RBFOX2: variants seen among roughly 807,000 people sequenced by gnomAD.
The protein encoded by RBFOX2 is RNA binding protein fox-1 homolog 2.
A neutral mutation model predicts 49.1 loss-of-function variants in RBFOX2; 10 were observed. The ratio of observed to expected loss-of-function variants is 0.20; its 90% CI spans 0.13 to 0.35. The LOEUF (loss-of-function observed/expected upper bound fraction) is 0.35, where lower values mean the gene tolerates loss of function less well. RBFOX2 is among the 10% of genes least tolerant of loss of function. The pLI is 1.00. For missense variants in RBFOX2, 323 were observed against 486.9 expected, an observed-to-expected ratio of 0.66 and a Z score of 3.17; for synonymous variants, 183 against 187.4, an observed-to-expected ratio of 0.98 and a Z score of 0.19.
intron 5 of RBFOX2, among the ~76,000 whole-genome samples, chr22:35,767,096 C>T (rs1276324946): frequency 1.3e-5 from 2 of 152,066 alleles, no homozygotes; most frequent in Non-Finnish European, 2.9e-5. Flanking sequence ...TTCAGTAACT[C>T]TGAGTAAGAT....
At chr22:35,966,584 C>T (rs2056570169), upstream of RBFOX2, among the ~76,000 whole-genome samples, 2 of 152,106 alleles carry the variant, frequency 1.3e-5, no homozygotes, top group Non-Finnish European at 2.9e-5. Context: ...TGATGATTAA[C>T]GATCCTGACC....
rs375550356 is a variant in RBFOX2 at position 35,900,288 on chromosome 22, T to G, written c.-34+38559A>C. Among the ~76,000 whole-genome samples, 19 of 152,146 alleles carry G rather than the reference T, an allele frequency of 1.2e-4. 1 individual carries two copies. In the East Asian group the frequency reaches 2.7e-3, roughly 22 times the overall value. ...GCCACCACACCCAGCTATTTTTGTA[T>G]TTTTAGTAGAGACAAGGTTTCACCA... is the stretch of plus-strand genomic sequence containing the variant. On this transcript the variant is annotated intron_variant, in intron 1 of 13. Coordinates refer to the RBFOX2 transcript ENST00000359369.
chr22:35,761,401 T>C lies in RBFOX2; in HGVS notation c.661+14A>G. 6.2e-7 allele frequency: 1 copy of C among 1,613,934 alleles called. No individual in the cohort carries two copies. Among genetic ancestry groups the C allele is most frequent in the Non-Finnish European group, 8.5e-7 (1 of 1,179,784 alleles). On this transcript the variant is annotated intron_variant, in intron 7 of 11. Transcript: ENST00000405409. ...ATTAAATAGCACAAGTGGAAACATT[T>C]ACTTAAATACTACCTGCATATAACT...
At chr22:35,847,234 ACT>A (rs2041334531) in intron 1 of RBFOX2, among the ~76,000 whole-genome samples, 1 of 152,200 alleles carries the variant, frequency 6.6e-6, no homozygotes, top group Admixed American at 6.5e-5. Flanking sequence ...TCAATGGCAC[ACT>A]CTTAAAATAG....
Position 36,015,460 on chromosome 22 carries a change from G to A in RBFOX2, c.186+12780C>T, listed in dbSNP as rs144126198. 2.8e-4 allele frequency among the ~76,000 whole-genome samples: 43 copies of A among 152,330 alleles called. 1 individual carries two copies. The highest frequency in any genetic ancestry group is 4.8e-5 in the African/African-American group (2 of 41,578). ...TTCCAACAAAGTCTTCAAACCCACT[G>A]TGCCAGCCACTAACAGTAACCATGT... is the stretch of plus-strand genomic sequence containing the variant. On this transcript the variant is annotated intron_variant, in intron 1 of 13. Coordinates refer to the RBFOX2 transcript ENST00000438146.
intron 1 of RBFOX2, among the ~76,000 whole-genome samples, chr22:35,814,433 GCATGGTGGC>G (rs1251590819): frequency 6.6e-6 from 1 of 152,050 alleles, no homozygotes; most frequent in Non-Finnish European, 1.5e-5. Context: ...ACAAGGCCCT[GCATGGTGGC>G]TCATGCCTGT....
chr22:35,768,678 C>T (rs1030718973), intron 4 of RBFOX2, among the ~76,000 whole-genome samples: 2 of 152,088 alleles, frequency 1.3e-5, no homozygotes, highest in Non-Finnish European at 2.9e-5. Context: ...TTTTTTAATG[C>T]CCTACCTTTC....
intron 1 of RBFOX2, among the ~76,000 whole-genome samples, chr22:36,002,404 A>G (rs1399988733): frequency 6.6e-6 from 1 of 152,216 alleles, no homozygotes; most frequent in Non-Finnish European, 1.5e-5. Flanking sequence ...AAACAAAAAA[A>G]CTTACCGTGG....
At chr22:35,999,977 TAA>T (rs927945651) in intron 1 of RBFOX2, 2 of 141,232 alleles carry the variant, frequency 1.4e-5, no homozygotes, top group African/African-American at 5.1e-5. Context: ...TCAAGAAATA[TAA>T]AAGTTATATA....
intron 1 of RBFOX2, among the ~76,000 whole-genome samples, chr22:35,923,213 C>T (rs1188898082): frequency 6.6e-6 from 1 of 152,228 alleles, no homozygotes; most frequent in Non-Finnish European, 1.5e-5. Context: ...TCAGTCCAAA[C>T]TGGAATTTGA....
chr22:35,973,676 GCCAAT>G (rs2056999009), intron 1 of RBFOX2, among the ~76,000 whole-genome samples: 1 of 152,228 alleles, frequency 6.6e-6, no homozygotes, highest in Non-Finnish European at 1.5e-5. Flanking sequence ...CTTATCTGGA[GCCAAT>G]GTGATCAATG....
At chr22:35,953,584 A>G (rs1569509911) in intron 1 of RBFOX2, among the ~76,000 whole-genome samples, 1 of 152,222 alleles carries the variant, frequency 6.6e-6, no homozygotes, top group East Asian at 1.9e-4. Flanking sequence ...ACATGGAGAT[A>G]GTGGTTGTAC....
At chr22:35,859,198 G>A (rs1044130250) in intron 1 of RBFOX2, among the ~76,000 whole-genome samples, 3 of 152,054 alleles carry the variant, frequency 2.0e-5, no homozygotes, top group African/African-American at 7.2e-5. Flanking sequence ...AATTTCTCAG[G>A]GTGAAGAAAA....
chr22:35,858,427 AC>A (rs1169367095), intron 1 of RBFOX2, among the ~76,000 whole-genome samples: 1 of 152,170 alleles, frequency 6.6e-6, no homozygotes, highest in Non-Finnish European at 1.5e-5. Context: ...TTTCCTCTGA[AC>A]TTATATGGCA....
intron 4 of RBFOX2, 191 bp downstream of exon 5, chr22:35,777,828 TCCACCC>T (rs1944299575): frequency 1.7e-6 from 1 of 584,014 alleles, no homozygotes; most frequent in African/African-American, 1.9e-5. Context: ...TCATCACCCT[TCCACCC>T]CCATATAAGT....
At chr22:35,978,747 A>G (rs1339226865) in intron 1 of RBFOX2, among the ~76,000 whole-genome samples, 1 of 152,264 alleles carries the variant, frequency 6.6e-6, no homozygotes, top group Non-Finnish European at 1.5e-5. Context: ...ATAGTAATCC[A>G]TGAGTCCATT....
chr22:35,801,164 C>G (rs1468629798), intron 2 of RBFOX2, among the ~76,000 whole-genome samples: 2 of 151,978 alleles, frequency 1.3e-5, no homozygotes, highest in Non-Finnish European at 2.9e-5. Flanking sequence ...TTTGTGAAAG[C>G]AATTTTTAAA....
intron 1 of RBFOX2, among the ~76,000 whole-genome samples, chr22:35,882,514 A>G (rs1003410175): frequency 6.6e-6 from 1 of 152,242 alleles, no homozygotes; most frequent in Admixed American, 6.5e-5. Context: ...TGAGGTCAAG[A>G]GTATTATTTT....
chr22:35,820,311 G>A (rs1427077898), intron 1 of RBFOX2, among the ~76,000 whole-genome samples: 1 of 152,240 alleles, frequency 6.6e-6, no homozygotes, highest in Non-Finnish European at 1.5e-5. Flanking sequence ...AGGGTTTGGT[G>A]CAGGTGGTAA....
Sources: allele counts gnomAD v4.1 joint callset (sites outside exome capture counted in the v4.1 genomes callset), GRCh38; gene constraint gnomAD v4.1.1; transcripts MANE v1.5; gene names NCBI Gene and HGNC (gene_info 2026-07-23, HGNC 2026-07-21).